The following MAST4 variants were observed in gnomAD, a reference collection of about 807,000 sequenced individuals.
MAST4 encodes the protein microtubule associated serine/threonine kinase family member 4.
In MAST4, 89 loss-of-function variants were observed where a neutral mutation model predicts 162.7. That is an observed-to-expected ratio of 0.55 (90% CI 0.46 to 0.65). MAST4 has a LOEUF of 0.65. Ranked by LOEUF, MAST4 falls within the 30% of genes least tolerant of loss-of-function variation. The pLI, the probability that MAST4 is intolerant of heterozygous loss-of-function variation, is 0.00. For synonymous variants in MAST4, 1,479 were observed against 1,361.1 expected (o/e 1.09, Z -1.91); for missense variants, 3,153 against 3,374.0 (o/e 0.93, Z 1.62).
chr5:67,042,901 C>T (rs1756940343), intron 4 of MAST4, among the ~76,000 whole-genome samples: 1 of 152,174 alleles, frequency 6.6e-6, no homozygotes, highest in Non-Finnish European at 1.5e-5. Flanking sequence ...TGTTTGTGTT[C>T]CGATTGTGGA....
At chr5:67,071,522 G>A (rs75970448) in intron 5 of MAST4, among the ~76,000 whole-genome samples, 4 of 152,142 alleles carry the variant, frequency 2.6e-5, no homozygotes, top group Admixed American at 1.3e-4. Flanking sequence ...GAAGGCCAAG[G>A]GGGGGGCGGG....
chr5:66,615,344 A>G (rs891526341), intron 1 of MAST4, among the ~76,000 whole-genome samples: 8 of 152,122 alleles, frequency 5.3e-5, no homozygotes, highest in Non-Finnish European at 8.8e-5. Flanking sequence ...CCTGCCTGGC[A>G]GAGGTTCAGG....
chr5:67,079,433 T>C (rs1377200124), intron 5 of MAST4, among the ~76,000 whole-genome samples: 1 of 152,150 alleles, frequency 6.6e-6, no homozygotes, highest in African/African-American at 2.4e-5. Flanking sequence ...AATATACACA[T>C]ATTTCTAGAT....
intron 4 of MAST4, among the ~76,000 whole-genome samples, chr5:67,032,659 G>C (rs1755494470): frequency 6.6e-6 from 1 of 152,094 alleles, no homozygotes; most frequent in African/African-American, 2.4e-5. Flanking sequence ...AGTCTGGTCT[G>C]TCTGGATCAG....
At chr5:66,758,058 T>G (rs1026387793) in intron 1 of MAST4, among the ~76,000 whole-genome samples, 9 of 139,050 alleles carry the variant, frequency 6.5e-5, no homozygotes, top group East Asian at 2.0e-4. Context: ...AAAGGGTGTG[T>G]TTTTTTTTTT....
At chr5:66,722,998 A>G (rs1751308870) in intron 1 of MAST4, among the ~76,000 whole-genome samples, 1 of 152,182 alleles carries the variant, frequency 6.6e-6, no homozygotes, top group East Asian at 1.9e-4. Context: ...GAGTGAAGTG[A>G]GGGTGTTATA....
intron 3 of MAST4, among the ~76,000 whole-genome samples, chr5:66,830,935 T>C (rs2149757138): frequency 6.6e-6 from 1 of 152,280 alleles, no homozygotes; most frequent in East Asian, 1.9e-4. Flanking sequence ...AACCTGCATA[T>C]CTCTATTCCT....
chr5:66,602,049 T>A (rs7726965), intron 1 of MAST4, among the ~76,000 whole-genome samples: 16,277 of 152,192 alleles, frequency 0.11, 1,127 homozygotes, highest in East Asian at 0.27. Context: ...TGAAATACAA[T>A]ATGAAAATAC....
intron 2 of MAST4, among the ~76,000 whole-genome samples, chr5:66,762,781 A>G (rs1281729682): frequency 6.6e-6 from 1 of 152,208 alleles, no homozygotes; most frequent in Non-Finnish European, 1.5e-5. Context: ...TTTTAATCCA[A>G]GGATCTTTTC....
intron 1 of MAST4, among the ~76,000 whole-genome samples, chr5:66,726,043 G>A (rs1404490669): frequency 2.0e-5 from 3 of 152,082 alleles, no homozygotes; most frequent in Admixed American, 2.0e-4. Flanking sequence ...GTGTGTGTGT[G>A]TGTGTGAAGA....
At chr5:67,061,173 T>A (rs1581394401) in intron 5 of MAST4, among the ~76,000 whole-genome samples, 1 of 152,174 alleles carries the variant, frequency 6.6e-6, no homozygotes, top group East Asian at 1.9e-4. Flanking sequence ...TGTGTGTGTG[T>A]GTCCATCTGA....
intron 4 of MAST4, among the ~76,000 whole-genome samples, chr5:66,935,274 G>C (rs1580931394): frequency 6.6e-6 from 1 of 152,144 alleles, no homozygotes; most frequent in Non-Finnish European, 1.5e-5. Context: ...TTCTCAACTT[G>C]CGGTTAGTCG....
At chr5:66,609,689 G>GTGTTTTTTTTTTTT (rs60756704) in intron 1 of MAST4, among the ~76,000 whole-genome samples, 3 of 143,058 alleles carry the variant, frequency 2.1e-5, no homozygotes, top group African/African-American at 8.1e-5. Flanking sequence ...GCCCAGCCTG[G>GTGTTTTTTTTTTTT]TGTTTTTTTT....
At chr5:67,124,280 C>T (rs990426325) in intron 14 of MAST4, among the ~76,000 whole-genome samples, 1 of 152,184 alleles carries the variant, frequency 6.6e-6, no homozygotes, top group Non-Finnish European at 1.5e-5. Flanking sequence ...AAAGCACAAC[C>T]TCTGGGACCA....
chr5:67,144,863 G>A (rs948906417), intron 22 of MAST4, 67 bp downstream of exon 22: 72 of 1,523,292 alleles, frequency 4.7e-5, no homozygotes, highest in Non-Finnish European at 2.2e-5. Flanking sequence ...AAACTTTAGT[G>A]AGCATCAGAA....
At chr5:66,745,047 G>T (rs1452743596) in intron 1 of MAST4, among the ~76,000 whole-genome samples, 2 of 152,208 alleles carry the variant, frequency 1.3e-5, no homozygotes, top group African/African-American at 4.8e-5. Context: ...TGTCAGGTAT[G>T]ATCCCAGGAG....
At chr5:67,124,061 T>C (rs1767897703) in intron 14 of MAST4, among the ~76,000 whole-genome samples, 2 of 152,216 alleles carry the variant, frequency 1.3e-5, no homozygotes. Context: ...ATAGGGCTGA[T>C]TCATTCTGCT....
chr5:66,772,630 T>C (rs1427577082), intron 2 of MAST4, among the ~76,000 whole-genome samples: 1 of 152,176 alleles, frequency 6.6e-6, no homozygotes, highest in East Asian at 1.9e-4. Context: ...TGGAACAGAA[T>C]TTAAAGAAAG....
chr5:66,725,801 C>A (rs546304429), intron 1 of MAST4, among the ~76,000 whole-genome samples: 1 of 152,266 alleles, frequency 6.6e-6, no homozygotes, highest in African/African-American at 2.4e-5. Flanking sequence ...ACCAACTCTG[C>A]AGGAGGCACT....
Sources: gnomAD v4.1 joint callset for allele counts (sites outside exome capture counted in the v4.1 genomes callset) on GRCh38, gnomAD v4.1.1 for gene constraint, MANE v1.5 for transcripts, NCBI Gene and HGNC (gene_info 2026-07-23, HGNC 2026-07-21) for gene names.